VPS13B: variants seen among roughly 807,000 people sequenced by gnomAD.
VPS13B encodes vacuolar protein sorting 13 homolog B, also known as intermembrane lipid transfer protein VPS13B.
In VPS13B, 285 loss-of-function variants were observed where a neutral mutation model predicts 426.4. The observed-to-expected ratio is 0.67, with a 90% CI of 0.61 to 0.74. The LOEUF (loss-of-function observed/expected upper bound fraction) is 0.74. Among genes scored for constraint, VPS13B ranks in the 30% least tolerant of loss-of-function variants. The pLI, the probability that VPS13B is intolerant of heterozygous loss-of-function variation, is 0.00. For missense variants in VPS13B, 4,537 were observed against 4,782.6 expected (o/e 0.95, Z 1.51); for synonymous variants, 1,676 against 1,676.4 (o/e 1.00, Z 0.01).
intron 17 of VPS13B, among the ~76,000 whole-genome samples, chr8:99,232,386 T>G (rs1816377965): frequency 6.6e-6 from 1 of 152,160 alleles, no homozygotes; most frequent in Admixed American, 6.5e-5. Context: ...CCATAATTGC[T>G]GTGAGTGTCC....
At chr8:99,795,010 T>C (rs1358188003) in intron 43 of VPS13B, among the ~76,000 whole-genome samples, 2 of 152,186 alleles carry the variant, frequency 1.3e-5, no homozygotes, top group Non-Finnish European at 2.9e-5. Context: ...GATTTGATCT[T>C]TGCTGGGAAG....
intron 42 of VPS13B, among the ~76,000 whole-genome samples, chr8:99,782,054 G>A (rs1812050446): frequency 6.6e-6 from 1 of 152,098 alleles, no homozygotes; most frequent in Non-Finnish European, 1.5e-5. Context: ...ATAGTAACAG[G>A]CAGGACATTC....
At chr8:99,583,608 A>G (rs1309392542) in intron 33 of VPS13B, among the ~76,000 whole-genome samples, 1 of 152,166 alleles carries the variant, frequency 6.6e-6, no homozygotes, top group African/African-American at 2.4e-5. Context: ...TTTTAGTAGA[A>G]AGTGAAAAAT....
chr8:99,874,305 G>A (rs1452105538), intron 61 of VPS13B, among the ~76,000 whole-genome samples: 1 of 152,176 alleles, frequency 6.6e-6, no homozygotes, highest in African/African-American at 2.4e-5. Context: ...TTTGCCTGGT[G>A]GTGCAGAGCT....
chr8:99,481,786 T>C lies in VPS13B; in HGVS notation c.3854T>C (p.Ile1285Thr), dbSNP rs767769609. The C allele has an allele frequency of 5.6e-6, 9 of 1,613,702 alleles. No individual in the cohort carries two copies. Among genetic ancestry groups the C allele is most frequent in the African/African-American group, 2.7e-5 (2 of 74,910 alleles). The change falls in exon 25 of 62, where the codon ATT (isoleucine) becomes ACT (threonine). Residue 1285 changes from isoleucine (I) to threonine (T), a missense_variant. By Grantham distance (89) the Ile-to-Thr change is moderately conservative. Coordinates refer to ENST00000357162, the MANE Select transcript of VPS13B (RefSeq NM_152564.5). ...DTSTCSPSAD[I>T]GTTTEGDSIQ... ...AGCACATGCAGCCCATCTGCTGACATTGGGACTACTACTGAGGTAAGTGTT... is the reference window on the plus strand; with the variant it reads ...AGCACATGCAGCCCATCTGCTGACACTGGGACTACTACTGAGGTAAGTGTT...
intron 51 of VPS13B, 70 bp downstream of exon 51, chr8:99,824,048 T>C (rs1428015696): frequency 1.3e-6 from 2 of 1,557,298 alleles, no homozygotes; most frequent in Non-Finnish European, 1.8e-6. Context: ...CAACTTCTCT[T>C]TAACCTATAG....
intron 17 of VPS13B, among the ~76,000 whole-genome samples, chr8:99,247,332 A>G (rs1164766623): frequency 6.6e-6 from 1 of 152,214 alleles, no homozygotes; most frequent in African/African-American, 2.4e-5. Context: ...TAATGTTTAG[A>G]TCTAAGCTAC....
chr8:99,419,153 A>C (rs1816241025), intron 21 of VPS13B, among the ~76,000 whole-genome samples: 1 of 152,148 alleles, frequency 6.6e-6, no homozygotes, highest in Non-Finnish European at 1.5e-5. Context: ...ACATCCCCCT[A>C]GTGCTGTCTC....
At chr8:99,233,994 T>G in intron 17 of VPS13B, 1 of 775,666 alleles carries the variant, frequency 1.3e-6, no homozygotes, top group Non-Finnish European at 2.4e-6. Flanking sequence ...TCAGTGATGT[T>G]CACTATGGTC....
intron 25 of VPS13B, among the ~76,000 whole-genome samples, chr8:99,494,932 G>GTT (rs149517222): frequency 1.4e-5 from 2 of 146,942 alleles, no homozygotes; most frequent in African/African-American, 5.0e-5. Flanking sequence ...TTTTTATACT[G>GTT]TTTTTTTTTT....
intron 3 of VPS13B, 22 bp from the exon 4 acceptor site, chr8:99,096,290 T>C (rs1277165345): frequency 6.2e-7 from 1 of 1,613,240 alleles, no homozygotes; most frequent in South Asian, 1.1e-5. Context: ...GTTTTCTTTT[T>C]CTTTCTTTAA....
At chr8:99,275,289 C>CTTT (rs11332378) in intron 19 of VPS13B, 35 bp downstream of exon 19, 136 of 1,195,508 alleles carry the variant, frequency 1.1e-4, no homozygotes, top group African/African-American at 3.1e-4. Context: ...CCTTGTTTTG[C>CTTT]TTTTTTTTTT....
Position 99,626,653 on chromosome 8 carries a change from G to A in VPS13B, c.5221-15158G>A, listed in dbSNP as rs772167199. Among the ~76,000 whole-genome samples, 7 of 152,108 alleles carry A rather than the reference G, an allele frequency of 4.6e-5. 1 individual carries two copies. The highest frequency in any genetic ancestry group is 3.9e-4 in the Admixed American group (6 of 15,264). On this transcript the variant is annotated intron_variant, in intron 33 of 61. Coordinates refer to ENST00000357162, the MANE Select transcript of VPS13B (RefSeq NM_152564.5). ...AAGGGTAACAAGTTTGCGAGGATGC[G>A]GAGAAAAAGGAACTCTTATGCGTTG...
intron 2 of VPS13B, among the ~76,000 whole-genome samples, chr8:99,035,339 CT>C (rs1205472419): frequency 6.6e-6 from 1 of 152,192 alleles, no homozygotes; most frequent in Admixed American, 6.5e-5. Flanking sequence ...TACCTTTCCC[CT>C]GCCCCAGCCC....
In VPS13B at chr8:99,028,397, C is replaced by A. The variant is rs537945845; in HGVS notation, c.148-10026C>A. On this transcript the variant is annotated intron_variant, in intron 2 of 61. Coordinates refer to ENST00000357162, the MANE Select transcript of VPS13B (RefSeq NM_152564.5). The stretch of plus-strand genomic sequence containing the variant: ...CGGCTGGCCGGGCGGGGGGCTGACC[C>A]CCCCCACCTCCCTCCCGGACGGGGC... Among the ~76,000 whole-genome samples the A allele has an allele frequency of 1.9e-4, 28 of 149,090 alleles. No homozygotes were observed. The South Asian group carries it at 5.7e-3, about 31-fold the overall frequency.
At chr8:99,743,776 T>C (rs1809898638) in intron 39 of VPS13B, among the ~76,000 whole-genome samples, 1 of 152,174 alleles carries the variant, frequency 6.6e-6, no homozygotes, top group South Asian at 2.1e-4. Flanking sequence ...TAGCCATATG[T>C]AGAAAGCTGA....
rs146479963 is a variant in VPS13B at position 99,528,347 on chromosome 8, T to G, written c.4745+7337T>G. ...TGCATGCATTCATTGATTAATTCAT[T>G]TATTAAATATACATTGATTAATATT... is the stretch of plus-strand genomic sequence containing the variant. On this transcript the variant is annotated intron_variant, in intron 30 of 61. Coordinates refer to ENST00000357162, the MANE Select transcript of VPS13B (RefSeq NM_152564.5). Among the ~76,000 whole-genome samples, 129 of 152,196 alleles carry G rather than the reference T, an allele frequency of 8.5e-4. 2 individuals are homozygous for G. The highest frequency in any genetic ancestry group is 7.7e-3 in the Admixed American group (118 of 15,288).
intron 30 of VPS13B, among the ~76,000 whole-genome samples, chr8:99,548,705 A>G (rs1294378878): frequency 1.3e-5 from 2 of 152,028 alleles, no homozygotes; most frequent in African/African-American, 4.8e-5. Context: ...ATTAAAAAAT[A>G]GAGATTAGTG....
At chr8:99,121,151 TA>T in intron 7 of VPS13B, 25 bp from the exon 8 acceptor site, 2 of 1,601,224 alleles carry the variant, frequency 1.2e-6, no homozygotes, top group Admixed American at 1.7e-5. Context: ...TTGACTTATT[TA>T]AAATGACTTA....
Sources: gnomAD v4.1 joint callset for allele counts (sites outside exome capture counted in the v4.1 genomes callset) on GRCh38, gnomAD v4.1.1 for gene constraint, MANE v1.5 for transcripts, NCBI Gene and HGNC (gene_info 2026-07-23, HGNC 2026-07-21) for gene names.